The following KLC1 variants were observed in gnomAD, a reference collection of about 807,000 sequenced individuals.
The protein encoded by KLC1 is kinesin light chain 1, also known as kinesin 2 60/70kDa.
Under a neutral mutation model 84.2 loss-of-function variants are expected in KLC1, and 30 were observed. The ratio of observed to expected loss-of-function variants is 0.36; its 90% CI spans 0.27 to 0.48. KLC1 has a LOEUF of 0.48. Ranked by LOEUF, KLC1 falls within the 20% of genes least tolerant of loss-of-function variation. The pLI is 0.99. For missense variants in KLC1, 499 were observed against 805.4 expected (o/e 0.62, Z 4.60); for synonymous variants, 289 against 293.3 (o/e 0.99, Z 0.15).
chr14:103,667,894 T>C (rs1273929907), intron 5 of KLC1, among the ~76,000 whole-genome samples: 1 of 152,222 alleles, frequency 6.6e-6, no homozygotes, highest in Admixed American at 6.5e-5. Flanking sequence ...CTCAGTCACA[T>C]CAGTAGTGAG....
chr14:103,675,796 C>G, intron 11 of KLC1, 40 bp downstream of exon 11: 1 of 1,551,288 alleles, frequency 6.4e-7, no homozygotes, highest in Non-Finnish European at 8.9e-7. Context: ...AACCAAAAAG[C>G]AGGGGGAAGG....
At chr14:103,661,481 G>A (rs2079287117) in intron 3 of KLC1, among the ~76,000 whole-genome samples, 1 of 152,194 alleles carries the variant, frequency 6.6e-6, no homozygotes, top group African/African-American at 2.4e-5. Context: ...TAAAAGCAAT[G>A]TGTCTTTATC....
At chr14:103,684,698 G>A (rs2081637640) in intron 13 of KLC1, 1 of 322,268 alleles carries the variant, frequency 3.1e-6, no homozygotes, top group East Asian at 6.3e-5. Context: ...AGGGGAGAGA[G>A]AGCATGAGTG....
chr14:103,685,076 CGCTTCTGTCGA>C, intron 13 of KLC1: 1 of 1,541,930 alleles, frequency 6.5e-7, no homozygotes, highest in Non-Finnish European at 8.8e-7. Context: ...TGCCGTCTGG[CGCTTCTGTCGA>C]GACGTCGGCT....
At chr14:103,632,381 C>T (rs143150593) in intron 1 of KLC1, among the ~76,000 whole-genome samples, 2,800 of 151,904 alleles carry the variant, frequency 0.018, 40 homozygotes, top group Non-Finnish European at 0.031. Flanking sequence ...GCCGAGATCA[C>T]GTCACTGCAG....
At chr14:103,634,263 A>G (rs911124060) in intron 1 of KLC1, among the ~76,000 whole-genome samples, 1 of 152,076 alleles carries the variant, frequency 6.6e-6, no homozygotes, top group Non-Finnish European at 1.5e-5. Context: ...TGTCTCTTGT[A>G]TTCAGTGTCG....
chr14:103,657,494 G>T, intron 2 of KLC1, 52 bp from the exon 3 acceptor site: 1 of 1,453,300 alleles, frequency 6.9e-7, no homozygotes, highest in South Asian at 1.2e-5. Context: ...GGGTGGGAGG[G>T]ACTCTTGCTG....
intron 1 of KLC1, among the ~76,000 whole-genome samples, chr14:103,644,775 C>T (rs1407522199): frequency 1.3e-5 from 2 of 152,116 alleles, no homozygotes; most frequent in Admixed American, 1.3e-4. Context: ...TCTCTTGTCA[C>T]CAAAATATTT....
At chr14:103,667,456 C>T (rs2079963877) in intron 5 of KLC1, among the ~76,000 whole-genome samples, 3 of 152,052 alleles carry the variant, frequency 2.0e-5, no homozygotes, top group South Asian at 2.1e-4. Context: ...CTGCCTCAGC[C>T]TCCCGAGTAG....
chr14:103,685,428 T>C (rs556609914), intron 13 of KLC1: 7 of 1,204,186 alleles, frequency 5.8e-6, no homozygotes, highest in African/African-American at 1.6e-5. Context: ...TGGACCAGTC[T>C]GGATTCTGTG....
intron 12 of KLC1, among the ~76,000 whole-genome samples, chr14:103,677,792 C>T (rs142679999): frequency 0.035 from 5,278 of 151,388 alleles, 128 homozygotes; most frequent in Non-Finnish European, 0.049. Context: ...AACCCCGTCT[C>T]TACTAAAAAT....
intron 1 of KLC1, among the ~76,000 whole-genome samples, chr14:103,646,648 T>A (rs184192816): frequency 8.9e-4 from 135 of 152,280 alleles, no homozygotes; most frequent in Admixed American, 4.2e-3. Flanking sequence ...TTTCTTTTTT[T>A]TCTTTTTGAA....
intron 1 of KLC1, among the ~76,000 whole-genome samples, chr14:103,636,602 A>G (rs973738589): frequency 6.6e-6 from 1 of 152,164 alleles, no homozygotes; most frequent in African/African-American, 2.4e-5. Context: ...CTGATGACTC[A>G]TAATGGTGAG....
intron 12 of KLC1, 125 bp from the exon 13 acceptor site, chr14:103,679,259 A>T: frequency 7.7e-7 from 1 of 1,296,264 alleles, no homozygotes. Flanking sequence ...CCACTCTTCC[A>T]ATGTTTTTCC....
Position 103,693,842 on chromosome 14 carries a change from C to T in KLC1, c.1848+1417C>T. The T allele has an allele frequency of 5.8e-6, 8 of 1,378,356 alleles. No individual in the cohort carries two copies. Among genetic ancestry groups the T allele is most frequent in the Non-Finnish European group, 6.6e-6 (7 of 1,068,516 alleles). The allele number at this position is 1,378,356 out of a possible 1,614,324, so 85.4% of individuals were successfully genotyped here. Reference sequence around the variant, plus strand: ...CCAGTGCCAGGAGCCACCCCGACCGCGACCCGGCCAGGCTGGCTCAGGGAG... The same window carrying T: ...CCAGTGCCAGGAGCCACCCCGACCGTGACCCGGCCAGGCTGGCTCAGGGAG... On this transcript the variant is annotated intron_variant, in intron 15 of 16. Transcript: ENST00000334553. The surrounding 1 kb of genome is among the most constrained non-coding windows in gnomAD (Gnocchi z 5.1).
intron 13 of KLC1, chr14:103,685,631 C>T: frequency 7.8e-7 from 1 of 1,289,410 alleles, no homozygotes. Context: ...TCCTTTCTGT[C>T]TGACAGGCCT....
At chr14:103,698,464 A>C in intron 15 of KLC1, 1 of 374,604 alleles carries the variant, frequency 2.7e-6, no homozygotes. Context: ...TGTGGAGAGA[A>C]GAAGCAGGCG....
At chr14:103,667,747 G>A (rs2079995833) in intron 5 of KLC1, among the ~76,000 whole-genome samples, 1 of 152,240 alleles carries the variant, frequency 6.6e-6, no homozygotes, top group South Asian at 2.1e-4. Flanking sequence ...TTAATACGTG[G>A]CCAGAATTAG....
At position 103,695,761 on chromosome 14, in the gene KLC1, C is replaced by G. The variant is rs898303581; in HGVS notation, c.1848+3336C>G. ...TGGGACTTTAGGGCCGAGGTGGCCTCTGCAGCACTGTGGCTGTGGGAGCAC... is the reference window on the plus strand; with the variant it reads ...TGGGACTTTAGGGCCGAGGTGGCCTGTGCAGCACTGTGGCTGTGGGAGCAC... On this transcript the variant is annotated intron_variant, in intron 15 of 16. Transcript: ENST00000334553. The G allele has an allele frequency of 4.1e-6, 4 of 985,328 alleles. No homozygotes were observed. The African/African-American group carries it at 7.0e-5, about 17-fold the overall frequency. The allele number at this position is 985,328 out of a possible 1,614,324, so 61.0% of individuals were successfully genotyped here.
Sources: allele counts gnomAD v4.1 joint callset (sites outside exome capture counted in the v4.1 genomes callset), GRCh38; gene constraint gnomAD v4.1.1; non-coding constraint Gnocchi (gnomAD v3.1); transcripts MANE v1.5; gene names NCBI Gene and HGNC (gene_info 2026-07-23, HGNC 2026-07-21).